The following CST3 variants were observed in gnomAD, a reference collection of about 807,000 sequenced individuals.
CST3 encodes cystatin C, also known as cystatin-C.
In CST3, 14 loss-of-function variants were observed where a neutral mutation model predicts 9.0. The observed-to-expected ratio is 1.56, with a 90% CI of 1.03 to 2.44. The LOEUF is 2.44. Ranked by LOEUF, CST3 falls within the 30% of genes most tolerant of loss-of-function variation. CST3 has a pLI of 0.00. For missense variants in CST3, 237 were observed against 204.3 expected, an observed-to-expected ratio of 1.16 and a Z score of -0.98; for synonymous variants, 96 against 90.2, an observed-to-expected ratio of 1.06 and a Z score of -0.37.
At position 23,637,941 on chromosome 20, in the gene CST3, C is replaced by CCGAGG. The variant is rs1288714804; in HGVS notation, c.-84_-80dup. 1.3e-5 allele frequency: 17 copies of CCGAGG among 1,314,510 alleles called. No homozygotes were observed. Among genetic ancestry groups the CCGAGG allele is most frequent in the Non-Finnish European group, 1.6e-5 (17 of 1,039,408 alleles). The allele number at this position is 1,314,510 out of a possible 1,614,324, so 81.4% of individuals were successfully genotyped here. ...TAGATAGAGAGGACCCGCTGCGATA[C>CCGAGG]CGAGGCGAGGCCGTGAGCCCCGCGA... On this transcript the variant is annotated 5_prime_UTR_variant, in exon 1 of 3. Coordinates refer to ENST00000376925, the MANE Select transcript of CST3 (RefSeq NM_000099.4).
intron 1 of CST3, 138 bp downstream of exon 1, chr20:23,637,482 T>G (rs1600365501): frequency 5.8e-6 from 5 of 860,282 alleles, no homozygotes; most frequent in South Asian, 4.5e-5. Context: ...GGCTCGGGGG[T>G]GACAGCGAAG....
intron 1 of CST3, among the ~76,000 whole-genome samples, chr20:23,637,415 G>A (rs1979720214): frequency 6.6e-6 from 1 of 152,208 alleles, no homozygotes; most frequent in Non-Finnish European, 1.5e-5. Flanking sequence ...GACCTGACGT[G>A]TCCGTGCGGT....
At chr20:23,637,310 T>C (rs1979714146) in intron 1 of CST3, among the ~76,000 whole-genome samples, 1 of 152,152 alleles carries the variant, frequency 6.6e-6, no homozygotes. Context: ...TCCCAGGAGG[T>C]CGGGACAGAG....
chr20:23,633,074 A>G (rs564674635), downstream of CST3, among the ~76,000 whole-genome samples: 6 of 152,206 alleles, frequency 3.9e-5, no homozygotes, highest in East Asian at 1.2e-3. Context: ...AGCAGGTGCC[A>G]CTTTCTCTGT....
chr20:23,627,621 G>GT (rs1479085003), exon 4 of CST3: 1 of 152,156 alleles, frequency 6.6e-6, no homozygotes, highest in Non-Finnish European at 1.5e-5. Flanking sequence ...TTGTGAAACT[G>GT]TTTTCCAAAG....
chr20:23,630,725 C>G (rs1979420288), downstream of CST3, among the ~76,000 whole-genome samples: 1 of 149,066 alleles, frequency 6.7e-6, no homozygotes, highest in Admixed American at 6.7e-5. Context: ...TGGGTGGCAA[C>G]ATCCCAAGCC....
downstream of CST3, chr20:23,629,067 C>A (rs956962440): frequency 1.3e-5 from 2 of 152,210 alleles, no homozygotes; most frequent in Non-Finnish European, 1.5e-5. Context: ...TGGGCAGCCA[C>A]ACATAGGTCA....
downstream of CST3, chr20:23,628,889 T>A (rs921797055): frequency 2.6e-5 from 4 of 152,260 alleles, no homozygotes; most frequent in African/African-American, 4.8e-5. Flanking sequence ...CCTGGTTTCC[T>A]TGCTGTCTCT....
At chr20:23,631,096 T>C (rs1010718312), downstream of CST3, among the ~76,000 whole-genome samples, 3 of 151,976 alleles carry the variant, frequency 2.0e-5, no homozygotes, top group African/African-American at 7.3e-5. Flanking sequence ...AGAAATACAT[T>C]TAGAAAACAA....
chr20:23,628,463 G>C (rs997893579), exon 4 of CST3: 3 of 152,208 alleles, frequency 2.0e-5, no homozygotes, highest in Admixed American at 2.0e-4. Context: ...GGTCCAGGGG[G>C]CAGGTCCTCC....
chr20:23,633,741 G>A lies in CST3; in HGVS notation c.*175C>T. 2 of 691,694 alleles carry A rather than the reference G, an allele frequency of 2.9e-6. No individual in the cohort carries two copies. Among genetic ancestry groups the A allele is most frequent in the Non-Finnish European group, 5.3e-6 (2 of 377,504 alleles). The allele number at this position is 691,694 out of a possible 1,614,324, so 42.8% of individuals were successfully genotyped here. On this transcript the variant is annotated 3_prime_UTR_variant, in exon 3 of 3. Coordinates refer to ENST00000376925, the MANE Select transcript of CST3 (RefSeq NM_000099.4). ...GAGAAGCAAGAAGGAAGGAGGGAGG[G>A]CAGAGCCCCTTGCTGAGCAACAAAG... is the stretch of plus-strand genomic sequence containing the variant.
chr20:23,634,084 TGAA>T, intron 2 of CST3, 85 bp from the exon 3 acceptor site: 1 of 1,089,278 alleles, frequency 9.2e-7, no homozygotes, highest in Non-Finnish European at 1.4e-6. Flanking sequence ...AGAGTGGGAG[TGAA>T]GAAGGATGGA....
chr20:23,634,134 C>T, intron 2 of CST3, 135 bp from the exon 3 acceptor site: 1 of 744,198 alleles, frequency 1.3e-6, no homozygotes, highest in Non-Finnish European at 2.4e-6. Flanking sequence ...CCTCCACCCA[C>T]CCCCGCTGAT....
At chr20:23,637,465 C>T (rs1357782113) in intron 1 of CST3, among the ~76,000 whole-genome samples, 155 bp downstream of exon 1, 1 of 152,186 alleles carries the variant, frequency 6.6e-6, no homozygotes, top group Non-Finnish European at 1.5e-5. Context: ...CGGACACGCC[C>T]GCCAAGGGCT....
Position 23,637,654 on chromosome 20 carries a change from C to CTG in CST3, c.207_208dup (p.Ser70ThrfsTer15), listed in dbSNP as rs1979739877. 3 of 1,530,626 alleles carry CTG rather than the reference C, an allele frequency of 2.0e-6. No homozygotes were observed. Among genetic ancestry groups the CTG allele is most frequent in the Non-Finnish European group, 1.8e-6 (2 of 1,139,646 alleles). The allele number at this position is 1,530,626 out of a possible 1,614,324, so 94.8% of individuals were successfully genotyped here. A position where few individuals can be genotyped will look rare whatever the true frequency, so the allele number is the denominator to read the frequency against. On this transcript the variant is annotated frameshift_variant, in exon 1 of 3. Coordinates refer to ENST00000376925, the MANE Select transcript of CST3 (RefSeq NM_000099.4). LOFTEE classifies it high-confidence loss of function. ...GGCGCGCACCACCTGCAGCGCGCGG[C>CTG]TGTGGTACATGTCGTTGCTGGCTTT...
exon 4 of CST3, chr20:23,628,497 G>A (rs759377266): frequency 5.9e-5 from 9 of 152,198 alleles, no homozygotes; most frequent in Non-Finnish European, 1.2e-4. Flanking sequence ...TGGTCCTTGA[G>A]GCATTACTTC....
chr20:23,635,630 G>A (rs1019609976), intron 1 of CST3, among the ~76,000 whole-genome samples: 1 of 152,240 alleles, frequency 6.6e-6, no homozygotes, highest in African/African-American at 2.4e-5. Context: ...TATGACCCAG[G>A]GGGCAGGGAC....
At chr20:23,629,044 C>A (rs951351593), downstream of CST3, 1 of 152,204 alleles carries the variant, frequency 6.6e-6, no homozygotes, top group African/African-American at 2.4e-5. Flanking sequence ...CACCGTTAAG[C>A]CTATGTGGGT....
chr20:23,637,348 C>T (rs1200664815), intron 1 of CST3, among the ~76,000 whole-genome samples: 3 of 152,224 alleles, frequency 2.0e-5, no homozygotes, highest in African/African-American at 4.8e-5. Context: ...TGCCTGCCCC[C>T]GCGCTGCGGC....
Sources: gnomAD v4.1 joint callset for allele counts (sites outside exome capture counted in the v4.1 genomes callset) on GRCh38, gnomAD v4.1.1 for gene constraint, MANE v1.5 for transcripts, NCBI Gene and HGNC (gene_info 2026-07-23, HGNC 2026-07-21) for gene names.